Variants in ROR2 observed in about 807,000 individuals in gnomAD.
The protein encoded by ROR2 is ROR family WNT receptor 2.
In ROR2, 33 loss-of-function variants were observed where a neutral mutation model predicts 74.9. That is an observed-to-expected ratio of 0.44 (90% CI 0.33 to 0.59). The LOEUF is 0.59. Among genes scored for constraint, ROR2 ranks in the 20% least tolerant of loss-of-function variants. The pLI, the probability that ROR2 is intolerant of heterozygous loss-of-function variation, is 0.02. For synonymous variants in ROR2, 586 were observed against 558.7 expected (o/e 1.05, Z -0.69); for missense variants, 1,216 against 1,313.8 (o/e 0.93, Z 1.15).
intron 1 of ROR2, among the ~76,000 whole-genome samples, chr9:91,805,303 GA>G (rs2119074575): frequency 6.6e-6 from 1 of 152,342 alleles, no homozygotes; most frequent in East Asian, 1.9e-4. Flanking sequence ...GAACAGATTT[GA>G]GAGACCATCA....
At chr9:91,925,399 C>T (rs1474007492) in intron 1 of ROR2, among the ~76,000 whole-genome samples, 2 of 152,166 alleles carry the variant, frequency 1.3e-5, no homozygotes. Flanking sequence ...GCTCGGCAAG[C>T]TCTGTCCTTG....
At chr9:91,748,137 T>C (rs1271698016) in intron 4 of ROR2, among the ~76,000 whole-genome samples, 3 of 152,168 alleles carry the variant, frequency 2.0e-5, no homozygotes, top group African/African-American at 7.2e-5. Context: ...TAGCCAGGCA[T>C]GGTGGTGCAC....
intron 1 of ROR2, among the ~76,000 whole-genome samples, chr9:91,837,426 A>G (rs1828642758): frequency 6.6e-6 from 1 of 152,256 alleles, no homozygotes; most frequent in Non-Finnish European, 1.5e-5. Flanking sequence ...CACATCCACT[A>G]TAAAAAACCA....
At chr9:91,774,298 T>A (rs1485494476) in intron 2 of ROR2, among the ~76,000 whole-genome samples, 1 of 152,182 alleles carries the variant, frequency 6.6e-6, no homozygotes, top group African/African-American at 2.4e-5. Flanking sequence ...CCACCTGCTC[T>A]TGGTTTTAAA....
intron 1 of ROR2, among the ~76,000 whole-genome samples, chr9:91,838,429 T>A (rs1222117950): frequency 6.6e-6 from 1 of 152,204 alleles, no homozygotes; most frequent in Non-Finnish European, 1.5e-5. Flanking sequence ...GAAACATTCC[T>A]GACTCACCAG....
At chr9:91,910,788 TA>T (rs1422131817) in intron 1 of ROR2, among the ~76,000 whole-genome samples, 1 of 152,038 alleles carries the variant, frequency 6.6e-6, no homozygotes, top group Non-Finnish European at 1.5e-5. Flanking sequence ...CTCAGCCTCC[TA>T]AGTAGCTGAG....
chr9:91,904,640 A>C (rs1759485670), intron 1 of ROR2, among the ~76,000 whole-genome samples: 1 of 152,110 alleles, frequency 6.6e-6, no homozygotes, highest in Admixed American at 6.5e-5. Context: ...ATAGGAGGGC[A>C]CCCAGTGGCA....
chr9:91,737,477 C>T lies in ROR2; in HGVS notation c.536G>A (p.Gly179Glu), dbSNP rs1825071241. 6.2e-7 allele frequency: 1 copy of T among 1,614,056 alleles called. No homozygotes were observed. The highest frequency in any genetic ancestry group is 8.5e-7 in the Non-Finnish European group (1 of 1,180,040). The change falls in exon 5 of 9, where the codon GGA (glycine) becomes GAA (glutamate). Residue 179 changes from glycine (G) to glutamate (E), a missense_variant. Coordinates refer to ENST00000375708, the MANE Select transcript of ROR2 (RefSeq NM_004560.4). ...HEDGFCQPYR[G>E]IACARFIGNR... is the part of the protein sequence containing the mutation. ...GCCAATGAAGCGTGCACAGGCAATT[C>T]CCCGGTAAGGCTGGCAGAACCCATC... is the stretch of plus-strand genomic sequence containing the variant.
chr9:91,876,897 C>A (rs1829970475), intron 1 of ROR2, among the ~76,000 whole-genome samples: 2 of 152,066 alleles, frequency 1.3e-5, no homozygotes, highest in Non-Finnish European at 2.9e-5. Flanking sequence ...ACACGAAGAG[C>A]ATCACCAAGC....
intron 2 of ROR2, among the ~76,000 whole-genome samples, chr9:91,772,603 A>C (rs1826269101): frequency 6.6e-6 from 1 of 152,180 alleles, no homozygotes; most frequent in African/African-American, 2.4e-5. Context: ...CTACCCTTTC[A>C]TAAACATGCA....
At chr9:91,795,652 C>T (rs1290555952) in intron 1 of ROR2, among the ~76,000 whole-genome samples, 2 of 152,144 alleles carry the variant, frequency 1.3e-5, no homozygotes, top group Non-Finnish European at 2.9e-5. Context: ...ATGGTTGTTT[C>T]CGAGCTTTTC....
chr9:91,846,114 G>A (rs2119233367), intron 1 of ROR2, among the ~76,000 whole-genome samples: 1 of 152,250 alleles, frequency 6.6e-6, no homozygotes, highest in East Asian at 1.9e-4. Flanking sequence ...CCCAGGCAAG[G>A]CCTGCTGTTC....
At chr9:91,947,077 A>T (rs1459154238) in intron 1 of ROR2, among the ~76,000 whole-genome samples, 1 of 150,756 alleles carries the variant, frequency 6.6e-6, no homozygotes, top group African/African-American at 2.5e-5. Context: ...AATAAACAAT[A>T]AAAAAAAGGT....
In ROR2 at chr9:91,949,884, G is replaced by T; in HGVS notation, c.80C>A (p.Ser27Ter). The change falls in exon 1 of 9, where the codon TCA (serine) becomes TAA (stop). Residue 27 changes from serine (S) to a stop codon, truncating the protein, a stop_gained. Coordinates refer to ENST00000375708, the MANE Select transcript of ROR2 (RefSeq NM_004560.4). LOFTEE classifies it high-confidence loss of function. Reference sequence around the variant, plus strand: ...GATCCTACCTGAAGTCCGGGACACTGAGAGCAGAAGCGCGGCGGCCGCCCA... The same window carrying T: ...GATCCTACCTGAAGTCCGGGACACTTAGAGCAGAAGCGCGGCGGCCGCCCA... ...AVWAAAALLLSVSRTSGEVEV... is the reference protein window; with the variant it reads ...AVWAAAALLL 6.5e-7 allele frequency: 1 copy of T among 1,540,510 alleles called. No individual in the cohort carries two copies. The highest frequency in any genetic ancestry group is 1.2e-5 in the South Asian group (1 of 83,814).
At chr9:91,819,817 G>A (rs1416769056) in intron 1 of ROR2, among the ~76,000 whole-genome samples, 3 of 152,014 alleles carry the variant, frequency 2.0e-5, no homozygotes, top group Non-Finnish European at 4.4e-5. Flanking sequence ...GCCTGTGTTT[G>A]TCTGTCTTTG....
chr9:91,803,904 T>A (rs1266243824), intron 1 of ROR2, among the ~76,000 whole-genome samples: 1 of 152,224 alleles, frequency 6.6e-6, no homozygotes, highest in East Asian at 1.9e-4. Flanking sequence ...AATGTGCAAC[T>A]CCATGGCATA....
At chr9:91,741,337 AT>A (rs1245231372) in intron 4 of ROR2, among the ~76,000 whole-genome samples, 14 of 145,638 alleles carry the variant, frequency 9.6e-5, no homozygotes, top group African/African-American at 2.8e-4. Context: ...AATAATAATA[AT>A]AATAAAATAA....
At position 91,731,160 on chromosome 9, in the gene ROR2, A is replaced by G. The variant is rs747638076; in HGVS notation, c.938-5T>C. On this transcript the variant is annotated splice_region_variant and splice_polypyrimidine_tract_variant and intron_variant, in intron 6 of 8. Coordinates refer to ENST00000375708, the MANE Select transcript of ROR2 (RefSeq NM_004560.4). The stretch of plus-strand genomic sequence containing the variant: ...AGCCGTTATAGCACTGATGGTCTGA[A>G]CAAGGAAAACACGTTAGGAAAACCT... The G allele has an allele frequency of 5.0e-6, 8 of 1,613,942 alleles. No individual in the cohort carries two copies. In the South Asian group the frequency reaches 6.6e-5, roughly 13 times the overall value.
chr9:91,793,398 A>T (rs1827065740), intron 1 of ROR2, among the ~76,000 whole-genome samples: 2 of 152,180 alleles, frequency 1.3e-5, no homozygotes, highest in African/African-American at 4.8e-5. Flanking sequence ...CTGAAGTCCT[A>T]TCTCCTTCTT....
Sources: allele counts gnomAD v4.1 joint callset (sites outside exome capture counted in the v4.1 genomes callset), GRCh38; gene constraint gnomAD v4.1.1; transcripts MANE v1.5; gene names NCBI Gene and HGNC (gene_info 2026-07-23, HGNC 2026-07-21).